The following ANKRD27 variants were observed in gnomAD, a reference collection of about 807,000 sequenced individuals.
ANKRD27 encodes ankyrin repeat domain-containing protein 27.
In ANKRD27, 112 loss-of-function variants were observed where a neutral mutation model predicts 129.7. The ratio of observed to expected loss-of-function variants is 0.86; its 90% CI spans 0.74 to 1.01. The LOEUF is 1.01. Among genes scored for constraint, ANKRD27 ranks in the 50% least tolerant of loss-of-function variants. The pLI, the probability that ANKRD27 is intolerant of heterozygous loss-of-function variation, is 0.00. For synonymous variants in ANKRD27, 516 were observed against 511.2 expected, an observed-to-expected ratio of 1.01 and a Z score of -0.13; for missense variants, 1,258 against 1,300.5, an observed-to-expected ratio of 0.97 and a Z score of 0.50.
At chr19:32,651,680 A>C (rs866821191) in intron 2 of ANKRD27, among the ~76,000 whole-genome samples, 2 of 151,900 alleles carry the variant, frequency 1.3e-5, no homozygotes, top group Admixed American at 6.6e-5. Context: ...TCGAAGCAGG[A>C]ACTTCTAAGG....
In ANKRD27 at chr19:32,625,036, A is replaced by G. The variant is rs563017943; in HGVS notation, c.1629+838T>C. Among the ~76,000 whole-genome samples the G allele has an allele frequency of 1.2e-4, 19 of 152,242 alleles. No individual in the cohort carries two copies. In the South Asian group the frequency reaches 3.5e-3, roughly 28 times the overall value. On this transcript the variant is annotated intron_variant, in intron 17 of 28. Transcript: ENST00000306065. ...CTTTGGGAGGCTGAGGTGGAAGATC[A>G]CCTGGGGCCAGGAGATCCAGACCAG...
intron 18 of ANKRD27, among the ~76,000 whole-genome samples, chr19:32,622,131 G>T (rs1972019430): frequency 6.6e-6 from 1 of 152,148 alleles, no homozygotes; most frequent in Non-Finnish European, 1.5e-5. Context: ...CCCCTGCGGA[G>T]CCTCGTTTCT....
intron 12 of ANKRD27, among the ~76,000 whole-genome samples, chr19:32,635,821 G>A (rs1047958963): frequency 1.3e-5 from 2 of 152,146 alleles, no homozygotes; most frequent in Non-Finnish European, 2.9e-5. Context: ...CGAGTACAGC[G>A]AGATCATGAT....
At chr19:32,635,466 T>TTTTATTTA (rs905689955) in intron 12 of ANKRD27, among the ~76,000 whole-genome samples, 1 of 152,094 alleles carries the variant, frequency 6.6e-6, no homozygotes, top group Non-Finnish European at 1.5e-5. Flanking sequence ...ACGCATTCTT[T>TTTTATTTA]TTTATTTATT....
intron 22 of ANKRD27, among the ~76,000 whole-genome samples, chr19:32,615,360 G>A (rs192682067): frequency 2.8e-4 from 42 of 152,312 alleles, no homozygotes; most frequent in Admixed American, 9.8e-4. Flanking sequence ...TGAGGCAGGA[G>A]GATAGCTTGA....
chr19:32,642,516 T>A (rs1168796538), intron 9 of ANKRD27, among the ~76,000 whole-genome samples: 6 of 152,112 alleles, frequency 3.9e-5, no homozygotes, highest in African/African-American at 1.4e-4. Context: ...GGTGGGCAGA[T>A]CACTTGAGGT....
At chr19:32,626,890 G>T in intron 15 of ANKRD27, 63 bp from the exon 16 acceptor site, 1 of 1,150,682 alleles carries the variant, frequency 8.7e-7, no homozygotes, top group Non-Finnish European at 1.3e-6. Context: ...CACCTTAACT[G>T]TAAAACCACA....
At chr19:32,620,727 A>T (rs1315673497) in intron 18 of ANKRD27, among the ~76,000 whole-genome samples, 1 of 152,030 alleles carries the variant, frequency 6.6e-6, no homozygotes, top group Non-Finnish European at 1.5e-5. Flanking sequence ...CCTGTATAAA[A>T]AATACAAAAA....
chr19:32,632,444 G>T (rs1967011843), intron 12 of ANKRD27, among the ~76,000 whole-genome samples: 1 of 152,000 alleles, frequency 6.6e-6, no homozygotes, highest in Admixed American at 6.6e-5. Flanking sequence ...AATTAGCCGG[G>T]TGTGGTGGCG....
At position 32,642,138 on chromosome 19, in the gene ANKRD27, T is replaced by C. The variant is rs1416693437; in HGVS notation, c.790A>G (p.Ile264Val). ...GCCAGCTCTCTTTTGGCACGAGGTA[T>C]GTTAAAGCTGTAAAATAATTTGGAA... ...IGVKPEFSFN[I>V]PRAKRELAQL... is the part of the protein sequence containing the mutation. Residue 264 changes from isoleucine (I) to valine (V), a missense_variant, in exon 10 of 29, where the codon ATA becomes GTA. Coordinates refer to ENST00000306065, the MANE Select transcript of ANKRD27 (RefSeq NM_032139.3). The C allele has an allele frequency of 6.3e-7, 1 of 1,590,324 alleles. No individual in the cohort carries two copies. Among genetic ancestry groups the C allele is most frequent in the African/African-American group, 1.3e-5 (1 of 74,112 alleles).
rs556272766 is a variant in ANKRD27 at position 32,607,632 on chromosome 19, A to C, written c.2373+3T>G. ...TCCACCACCCCCAACACACAGCCCG[A>C]ACCTGAAAGTGGCCCTGCTGGCAGG... On this transcript the variant is annotated splice_donor_region_variant and intron_variant, in intron 23 of 28. Transcript: ENST00000306065. 5 of 1,610,886 alleles carry C rather than the reference A, an allele frequency of 3.1e-6. No individual in the cohort carries two copies. The African/African-American group carries it at 5.3e-5, about 17-fold the overall frequency.
chr19:32,611,594 T>C (rs1040079441), intron 22 of ANKRD27, among the ~76,000 whole-genome samples: 1 of 152,256 alleles, frequency 6.6e-6, no homozygotes, highest in South Asian at 2.1e-4. Flanking sequence ...CATTTTCTTT[T>C]TTTTGAGATG....
At chr19:32,620,222 T>G (rs969601583) in intron 18 of ANKRD27, among the ~76,000 whole-genome samples, 2 of 150,418 alleles carry the variant, frequency 1.3e-5, no homozygotes, top group South Asian at 4.2e-4. Flanking sequence ...GTAGTTCTTA[T>G]GCTGTGTCCC....
intron 13 of ANKRD27, among the ~76,000 whole-genome samples, chr19:32,629,844 C>CTTT (rs548494616): frequency 4.7e-5 from 5 of 105,610 alleles, no homozygotes; most frequent in East Asian, 2.6e-4. Flanking sequence ...CTCTTGTGTT[C>CTTT]TTTTTTTTTT....
intron 1 of ANKRD27, among the ~76,000 whole-genome samples, 188 bp from the exon 2 acceptor site, chr19:32,659,233 C>A (rs1214462021): frequency 6.6e-6 from 1 of 151,110 alleles, no homozygotes; most frequent in Non-Finnish European, 1.5e-5. Context: ...AGGCGCCCAC[C>A]ACCACACCCG....
chr19:32,606,418 T>C (rs146421485), intron 23 of ANKRD27, among the ~76,000 whole-genome samples: 4,662 of 152,214 alleles, frequency 0.031, 238 homozygotes, highest in African/African-American at 0.11. Context: ...CCTCCCAAAA[T>C]GCTGGGATTA....
Position 32,618,923 on chromosome 19 carries a change from A to T in ANKRD27, c.2007+337T>A, listed in dbSNP as rs936826073. Among the ~76,000 whole-genome samples the T allele has an allele frequency of 4.6e-5, 7 of 152,288 alleles. No individual in the cohort carries two copies. The East Asian group carries it at 1.4e-3, about 29-fold the overall frequency. ...GAGACTCTTATCTCAAAAAATAAAA[A>T]ATAAAAATAAAATGATCTGAAATCA... is the stretch of plus-strand genomic sequence containing the variant. On this transcript the variant is annotated intron_variant, in intron 20 of 28. Coordinates refer to ENST00000306065, the MANE Select transcript of ANKRD27 (RefSeq NM_032139.3).
intron 13 of ANKRD27, among the ~76,000 whole-genome samples, chr19:32,630,879 A>G (rs1966980330): frequency 6.6e-6 from 1 of 152,008 alleles, no homozygotes; most frequent in African/African-American, 2.4e-5. Flanking sequence ...TGATCCTCCC[A>G]CTTCGGCCTC....
intron 1 of ANKRD27, among the ~76,000 whole-genome samples, chr19:32,663,044 AG>A (rs1967676436): frequency 6.6e-6 from 1 of 152,224 alleles, no homozygotes; most frequent in African/African-American, 2.4e-5. Flanking sequence ...TCTGTCTCAA[AG>A]ACAAAACAAA....
Sources: allele counts gnomAD v4.1 joint callset (sites outside exome capture counted in the v4.1 genomes callset), GRCh38; gene constraint gnomAD v4.1.1; transcripts MANE v1.5; gene names NCBI Gene and HGNC (gene_info 2026-07-23, HGNC 2026-07-21).